Variants in SRGN observed in about 807,000 individuals in gnomAD.
SRGN encodes serglycin, also known as hematopoetic proteoglycan core peptide.
Under a neutral mutation model 9.5 loss-of-function variants are expected in SRGN, and 2 were observed. The ratio of observed to expected loss-of-function variants is 0.21; its 90% CI spans 0.09 to 0.66. The LOEUF (loss-of-function observed/expected upper bound fraction) is 0.66, where lower values mean the gene tolerates loss of function less well. Ranked by LOEUF, SRGN falls within the 30% of genes least tolerant of loss-of-function variation. The probability of loss-of-function intolerance (pLI) is 0.83; values close to 1 mark genes in which losing one functional copy is unlikely to be tolerated. For missense variants in SRGN, 170 were observed against 192.4 expected (o/e 0.88, Z 0.69); for synonymous variants, 59 against 72.3 (o/e 0.82, Z 0.93).
chr10:69,089,893 C>CAGAA (rs923007796), intron 1 of SRGN, among the ~76,000 whole-genome samples: 1 of 148,892 alleles, frequency 6.7e-6, no homozygotes, highest in Non-Finnish European at 1.5e-5. Context: ...AAGACTCTGT[C>CAGAA]AGAAAGAAAG....
chr10:69,099,756 A>G (rs920630979), intron 2 of SRGN, among the ~76,000 whole-genome samples: 9 of 152,244 alleles, frequency 5.9e-5, no homozygotes, highest in South Asian at 2.1e-4. Flanking sequence ...ATGTAATATT[A>G]CAGCATCCTT....
At chr10:69,092,242 G>C (rs1276810848) in intron 1 of SRGN, among the ~76,000 whole-genome samples, 1 of 152,100 alleles carries the variant, frequency 6.6e-6, no homozygotes, top group Non-Finnish European at 1.5e-5. Flanking sequence ...AAGCAAGATA[G>C]AGTCAAGATA....
At chr10:69,091,952 G>C (rs1297070771) in intron 1 of SRGN, among the ~76,000 whole-genome samples, 2 of 142,378 alleles carry the variant, frequency 1.4e-5, no homozygotes, top group Middle Eastern at 3.4e-3. Flanking sequence ...AGTATATTGT[G>C]ATTATGTTGA....
chr10:69,101,704 G>C lies in SRGN; in HGVS notation c.228-2167G>C, dbSNP rs553017398. Among the ~76,000 whole-genome samples, 6 of 152,130 alleles carry C rather than the reference G, an allele frequency of 3.9e-5. No individual in the cohort carries two copies. In the East Asian group the frequency reaches 1.2e-3, roughly 29 times the overall value. On this transcript the variant is annotated intron_variant, in intron 2 of 2. Transcript: ENST00000242465. ...GACTTCTGTTCCTACACTCCACCCT[G>C]GTTGACAAAGTCACTGATTACTTCT...
At chr10:69,100,023 T>C (rs1478548169) in intron 2 of SRGN, among the ~76,000 whole-genome samples, 1 of 152,036 alleles carries the variant, frequency 6.6e-6, no homozygotes, top group Non-Finnish European at 1.5e-5. Flanking sequence ...GAGTTCAAGA[T>C]CAGCCTGGCC....
At chr10:69,090,379 C>T (rs536079820) in intron 1 of SRGN, among the ~76,000 whole-genome samples, 3 of 152,282 alleles carry the variant, frequency 2.0e-5, no homozygotes, top group South Asian at 2.1e-4. Context: ...GTGGTTTGCT[C>T]GGGTTGCCAT....
intron 2 of SRGN, among the ~76,000 whole-genome samples, chr10:69,101,242 G>A (rs538130834): frequency 2.6e-5 from 4 of 152,076 alleles, no homozygotes; most frequent in Non-Finnish European, 4.4e-5. Flanking sequence ...TGGGATTACA[G>A]GCATGAGCCA....
intron 2 of SRGN, among the ~76,000 whole-genome samples, chr10:69,100,263 G>A (rs1045409699): frequency 1.2e-4 from 18 of 152,074 alleles, no homozygotes; most frequent in Admixed American, 1.3e-4. Flanking sequence ...ACAAAAACTA[G>A]CCATGCATGC....
intron 1 of SRGN, among the ~76,000 whole-genome samples, chr10:69,091,786 A>G (rs1248914015): frequency 2.0e-5 from 3 of 147,394 alleles, no homozygotes; most frequent in Non-Finnish European, 1.5e-5. Flanking sequence ...AGGCTGAGGC[A>G]GGAGAATCAC....
At chr10:69,099,447 A>G (rs1404369720) in intron 2 of SRGN, among the ~76,000 whole-genome samples, 1 of 151,790 alleles carries the variant, frequency 6.6e-6, no homozygotes, top group Non-Finnish European at 1.5e-5. Context: ...CCACAGGCAC[A>G]CAGCACCATG....
At chr10:69,092,769 G>A (rs1483230368) in intron 1 of SRGN, among the ~76,000 whole-genome samples, 2 of 148,146 alleles carry the variant, frequency 1.4e-5, no homozygotes, top group Admixed American at 1.4e-4. Context: ...ACTCCAGCCT[G>A]GATGACGGAG....
intron 2 of SRGN, among the ~76,000 whole-genome samples, chr10:69,103,485 G>A (rs1840330725): frequency 6.6e-6 from 1 of 152,160 alleles, no homozygotes; most frequent in Admixed American, 6.5e-5. Context: ...GGAGGTTGCA[G>A]TGAGCCGAGA....
At chr10:69,099,521 T>A (rs1279217471) in intron 2 of SRGN, among the ~76,000 whole-genome samples, 1 of 151,884 alleles carries the variant, frequency 6.6e-6, no homozygotes, top group East Asian at 1.9e-4. Context: ...CCCAGGCTGG[T>A]CATGTACTCC....
intron 2 of SRGN, among the ~76,000 whole-genome samples, chr10:69,098,067 AT>A (rs573533530): frequency 1.3e-5 from 2 of 152,026 alleles, no homozygotes; most frequent in Non-Finnish European, 2.9e-5. Flanking sequence ...TGTTTTTGAA[AT>A]TTTTTTTGTG....
chr10:69,103,781 T>G (rs1466881043), intron 2 of SRGN, 90 bp from the exon 3 acceptor site: 7 of 1,380,592 alleles, frequency 5.1e-6, no homozygotes, highest in Non-Finnish European at 6.9e-6. Flanking sequence ...TGGCTGTATT[T>G]ATCTCCTTAT....
intron 1 of SRGN, among the ~76,000 whole-genome samples, chr10:69,095,188 A>T (rs564273259): frequency 4.0e-5 from 6 of 151,588 alleles, no homozygotes; most frequent in African/African-American, 1.5e-4. Context: ...GGCACCTGTC[A>T]TCCCAGCTAC....
chr10:69,099,309 G>GTT lies in SRGN; in HGVS notation c.227+2092_227+2093dup, dbSNP rs59142650. Among the ~76,000 whole-genome samples, 700 of 138,874 alleles carry GTT rather than the reference G, an allele frequency of 5.0e-3. 9 individuals carry two copies. The highest frequency in any genetic ancestry group is 0.011 in the East Asian group (51 of 4,798). The allele number at this position is 138,874 out of a possible 152,430, so 91.1% of individuals were successfully genotyped here. A position where few individuals can be genotyped will look rare whatever the true frequency, so the allele number is the denominator to read the frequency against. ...TGGGATCCTGGCAACTTTCTCTTTT[G>GTT]TTTTTTTTTTTTTTTGAGACAGGGT... On this transcript the variant is annotated intron_variant, in intron 2 of 2. Transcript: ENST00000242465.
chr10:69,090,432 A>G (rs1840027501), intron 1 of SRGN, among the ~76,000 whole-genome samples: 1 of 152,134 alleles, frequency 6.6e-6, no homozygotes, highest in African/African-American at 2.4e-5. Flanking sequence ...ACAGAAATGT[A>G]TTTCCTCACA....
chr10:69,100,631 AC>A, intron 2 of SRGN, among the ~76,000 whole-genome samples: 1 of 150,582 alleles, frequency 6.6e-6, no homozygotes, highest in Admixed American at 6.6e-5. Flanking sequence ...CTGATCCCAA[AC>A]CCTTTTGCCC....
Sources: gnomAD v4.1 joint callset for allele counts (sites outside exome capture counted in the v4.1 genomes callset) on GRCh38, gnomAD v4.1.1 for gene constraint, MANE v1.5 for transcripts, NCBI Gene and HGNC (gene_info 2026-07-23, HGNC 2026-07-21) for gene names.